The following NIPAL3 variants were observed in gnomAD, a reference collection of about 807,000 sequenced individuals.
NIPAL3 encodes the protein NIPA like domain containing 3, also known as NIPA-like protein 3.
In NIPAL3, 41 loss-of-function variants were observed where a neutral mutation model predicts 47.2. That is an observed-to-expected ratio of 0.87 (90% confidence interval 0.68 to 1.13). The LOEUF (loss-of-function observed/expected upper bound fraction) is 1.13. NIPAL3 is among the 50% of genes most tolerant of loss of function. NIPAL3 has a pLI of 0.00. For synonymous variants in NIPAL3, 194 were observed against 209.6 expected, an observed-to-expected ratio of 0.93 and a Z score of 0.64; for missense variants, 449 against 530.1, an observed-to-expected ratio of 0.85 and a Z score of 1.50.
rs563820748 is a variant in NIPAL3 at position 24,423,552 on chromosome 1, C to T, written c.93+3912C>T. On this transcript the variant is annotated intron_variant, in intron 2 of 11. Transcript: ENST00000374399. Reference sequence around the variant, plus strand: ...GGCTGAGGCAGGAGAATGGCGTGAACCCGGGAGGCAGAGCTTGCAGTGAGC... The same window carrying T: ...GGCTGAGGCAGGAGAATGGCGTGAATCCGGGAGGCAGAGCTTGCAGTGAGC... Among the ~76,000 whole-genome samples, 3 of 152,246 alleles carry T rather than the reference C, an allele frequency of 2.0e-5. No homozygotes were observed. The East Asian group carries it at 5.8e-4, about 29-fold the overall frequency.
intron 2 of NIPAL3, among the ~76,000 whole-genome samples, chr1:24,439,252 T>C (rs976507034): frequency 3.9e-5 from 6 of 152,152 alleles, no homozygotes; most frequent in Non-Finnish European, 8.8e-5. Flanking sequence ...AGCAAAGCAA[T>C]GATATAAAAT....
At chr1:24,436,169 T>C (rs1424617185) in intron 2 of NIPAL3, among the ~76,000 whole-genome samples, 6 of 152,086 alleles carry the variant, frequency 3.9e-5, no homozygotes, top group African/African-American at 1.4e-4. Flanking sequence ...GCACAAACAT[T>C]CAGATGTACA....
At chr1:24,432,193 A>G (rs6692226) in intron 2 of NIPAL3, among the ~76,000 whole-genome samples, 64,555 of 151,942 alleles carry the variant, frequency 0.42, 14,913 homozygotes, top group African/African-American at 0.62. Context: ...GCAATGGCAC[A>G]ACCTCGGCTC....
chr1:24,453,708 A>G (rs1646052639), intron 7 of NIPAL3, among the ~76,000 whole-genome samples: 1 of 152,102 alleles, frequency 6.6e-6, no homozygotes, highest in Non-Finnish European at 1.5e-5. Context: ...CCTCCAATCT[A>G]AAGGGAGAAA....
intron 11 of NIPAL3, among the ~76,000 whole-genome samples, chr1:24,467,532 G>A (rs949860746): frequency 2.0e-5 from 3 of 152,090 alleles, no homozygotes; most frequent in Non-Finnish European, 4.4e-5. Flanking sequence ...CCCGAGTTTG[G>A]ACCCTGGCAC....
Position 24,453,586 on chromosome 1 carries a change from A to G in NIPAL3, c.637+82A>G, listed in dbSNP as rs150422165. On this transcript the variant is annotated intron_variant, in intron 7 of 11. Coordinates refer to ENST00000374399, the MANE Select transcript of NIPAL3 (RefSeq NM_020448.5). ...ATGTGGGTTTTGTTTGCAGAGCTGT[A>G]GCCGCTGGGCACAGAAGTTGCTTGA... The G allele has an allele frequency of 3.7e-3, 4,074 of 1,102,048 alleles. 16 individuals are homozygous for G. The highest frequency in any genetic ancestry group is 4.1e-3 in the Non-Finnish European group (3,049 of 746,508). 68.3% of individuals were successfully genotyped at this position (1,102,048 alleles called of 1,614,324 possible). A position where few individuals can be genotyped will look rare whatever the true frequency, so the allele number is the denominator to read the frequency against.
At chr1:24,429,032 C>A (rs1644761405) in intron 2 of NIPAL3, among the ~76,000 whole-genome samples, 1 of 152,182 alleles carries the variant, frequency 6.6e-6, no homozygotes, top group Admixed American at 6.5e-5. Flanking sequence ...GCCATCTCAT[C>A]TTGGTCTCTT....
intron 2 of NIPAL3, among the ~76,000 whole-genome samples, chr1:24,422,822 A>C (rs1181800539): frequency 2.0e-5 from 3 of 152,250 alleles, no homozygotes; most frequent in Non-Finnish European, 2.9e-5. Context: ...TTCACAGAGC[A>C]TTATTCAAAA....
At chr1:24,421,357 AAAAG>A (rs1644322241) in intron 2 of NIPAL3, among the ~76,000 whole-genome samples, 1 of 152,092 alleles carries the variant, frequency 6.6e-6, no homozygotes. Flanking sequence ...ACCTCAAAAA[AAAAG>A]AAAGAAAAAA....
rs1363786577 is a variant in NIPAL3, at chr1:24,427,012, G to T, written c.93+7372G>T. Among the ~76,000 whole-genome samples, 46 of 152,216 alleles carry T rather than the reference G, an allele frequency of 3.0e-4. 1 individual carries two copies. ...TCCCTGTTCTGTGTTAACCATGCACGTGTACTTGTGAATGCTCCACCCCTA... is the reference window on the plus strand; with the variant it reads ...TCCCTGTTCTGTGTTAACCATGCACTTGTACTTGTGAATGCTCCACCCCTA... On this transcript the variant is annotated intron_variant, in intron 2 of 11. Transcript: ENST00000374399.
intron 2 of NIPAL3, among the ~76,000 whole-genome samples, chr1:24,424,348 C>T (rs1284140966): frequency 6.6e-6 from 1 of 152,198 alleles, no homozygotes; most frequent in Non-Finnish European, 1.5e-5. Context: ...TCCTTCCCTC[C>T]CAACGGCTGT....
intron 11 of NIPAL3, chr1:24,466,218 C>T: frequency 3.5e-6 from 3 of 862,630 alleles, no homozygotes; most frequent in Non-Finnish European, 1.8e-6. Flanking sequence ...TTTCACAGAA[C>T]ATCAGCAGCA....
chr1:24,428,258 A>AAG (rs56082168), intron 2 of NIPAL3, among the ~76,000 whole-genome samples: 4,780 of 119,358 alleles, frequency 0.04, 133 homozygotes, highest in East Asian at 0.073. Context: ...CTCAAAAAGA[A>AAG]AGAGAGAGAG....
intron 2 of NIPAL3, among the ~76,000 whole-genome samples, chr1:24,429,503 C>T (rs7526660): frequency 0.46 from 69,917 of 152,058 alleles, 18,454 homozygotes; most frequent in African/African-American, 0.74. Context: ...ACATCATTCC[C>T]TTTTCTCCTT....
chr1:24,459,278 T>C (rs1023749947), intron 9 of NIPAL3, among the ~76,000 whole-genome samples: 1 of 152,234 alleles, frequency 6.6e-6, no homozygotes, highest in African/African-American at 2.4e-5. Context: ...TATGCCATAC[T>C]GTGTGTACTT....
At chr1:24,436,367 G>A (rs1317880321) in intron 2 of NIPAL3, among the ~76,000 whole-genome samples, 1 of 151,900 alleles carries the variant, frequency 6.6e-6, no homozygotes, top group Non-Finnish European at 1.5e-5. Context: ...CTACAAGTTT[G>A]GGATGTATGA....
At chr1:24,456,328 T>TG in intron 8 of NIPAL3, 55 bp downstream of exon 8, 1 of 1,611,298 alleles carries the variant, frequency 6.2e-7, no homozygotes, top group Non-Finnish European at 8.5e-7. Context: ...GCTTCTCTTT[T>TG]GGGGGCCTGA....
intron 2 of NIPAL3, among the ~76,000 whole-genome samples, chr1:24,424,547 C>T (rs185464294): frequency 6.6e-6 from 1 of 152,072 alleles, no homozygotes. Flanking sequence ...TCTCCTTTCT[C>T]GATTTTGTTA....
Position 24,469,291 on chromosome 1 carries a change from T to C in NIPAL3, c.*106T>C. ...TCTCATTTTGTTTCTAACTGAGAAC[T>C]CTATGGATGATGATCTCAAAAAGCC... is the stretch of plus-strand genomic sequence containing the variant. On this transcript the variant is annotated 3_prime_UTR_variant, in exon 12 of 12. Coordinates refer to ENST00000374399, the MANE Select transcript of NIPAL3 (RefSeq NM_020448.5). 1.1e-6 allele frequency: 1 copy of C among 889,266 alleles called. No individual in the cohort carries two copies. Among genetic ancestry groups the C allele is most frequent in the Non-Finnish European group, 1.7e-6 (1 of 597,536 alleles). 55.1% of individuals were successfully genotyped at this position (889,266 alleles called of 1,614,324 possible). A position where few individuals can be genotyped will look rare whatever the true frequency, so the allele number is the denominator to read the frequency against.
Sources: allele counts gnomAD v4.1 joint callset (sites outside exome capture counted in the v4.1 genomes callset), GRCh38; gene constraint gnomAD v4.1.1; transcripts MANE v1.5; gene names NCBI Gene and HGNC (gene_info 2026-07-23, HGNC 2026-07-21).